USP40: variants seen among roughly 807,000 people sequenced by gnomAD.
USP40 encodes ubiquitin specific peptidase 40, also known as ubiquitin carboxyl-terminal hydrolase 40.
A neutral mutation model predicts 166.2 loss-of-function variants in USP40; 143 were observed. The observed-to-expected ratio is 0.86, with a 90% CI of 0.75 to 0.99. USP40 has a LOEUF of 0.99. Ranked by LOEUF, USP40 falls within the 50% of genes least tolerant of loss-of-function variation. USP40 has a pLI of 0.00. For missense variants in USP40, 1,444 were observed against 1,479.7 expected (o/e 0.98, Z 0.40); for synonymous variants, 498 against 524.0 (o/e 0.95, Z 0.68).
chr2:233,507,532 T>A (rs117804641), intron 21 of USP40, among the ~76,000 whole-genome samples: 1,936 of 151,446 alleles, frequency 0.013, 38 homozygotes, highest in East Asian at 0.084. Flanking sequence ...ACAACATGGA[T>A]GAACCTGGAA....
Position 233,486,077 on chromosome 2 carries a change from G to A in USP40, c.3198-100C>T. 7.6e-7 allele frequency: 1 copy of A among 1,316,318 alleles called. No individual in the cohort carries two copies. The highest frequency in any genetic ancestry group is 1.0e-6 in the Non-Finnish European group (1 of 975,664). 81.5% of individuals were successfully genotyped at this position (1,316,318 alleles called of 1,614,324 possible). On this transcript the variant is annotated intron_variant, in intron 28 of 31. Transcript: ENST00000678225. This position sits in a 1 kb window ranked among gnomAD's most constrained non-coding sequence, Gnocchi z 4.0. The stretch of plus-strand genomic sequence containing the variant: ...CAAAGCTTCTCCTCCAGCTTTTCTG[G>A]TTTTTATAAGGAGAGATTTTTCCCT...
Position 233,544,424 on chromosome 2 carries a change from C to T in USP40, c.967-2061G>A, listed in dbSNP as rs555335460. On this transcript the variant is annotated intron_variant, in intron 8 of 31. Coordinates refer to ENST00000678225, the MANE Select transcript of USP40 (RefSeq NM_001365479.2). Reference sequence around the variant, plus strand: ...GGCATGACCGATTAAATAAATCACTCGTCACTGGTGACTGAACTCAATTTC... The same window carrying T: ...GGCATGACCGATTAAATAAATCACTTGTCACTGGTGACTGAACTCAATTTC... Among the ~76,000 whole-genome samples, 379 of 152,262 alleles carry T rather than the reference C, an allele frequency of 2.5e-3. 2 individuals carry two copies. Among genetic ancestry groups the T allele is most frequent in the African/African-American group, 8.1e-3 (337 of 41,552 alleles).
At chr2:233,531,872 T>C (rs866536998) in intron 11 of USP40, among the ~76,000 whole-genome samples, 3 of 152,212 alleles carry the variant, frequency 2.0e-5, no homozygotes, top group African/African-American at 7.2e-5. Context: ...AAAATCTTAC[T>C]AGGCCTCATG....
chr2:233,517,386 G>GTT (rs201945738), intron 18 of USP40, among the ~76,000 whole-genome samples: 133 of 133,974 alleles, frequency 9.9e-4, no homozygotes, highest in African/African-American at 2.0e-3. Flanking sequence ...ATGGTTTTTT[G>GTT]TTTTTTTTTT....
At chr2:233,497,431 G>A (rs1157044271) in intron 23 of USP40, among the ~76,000 whole-genome samples, 1 of 152,148 alleles carries the variant, frequency 6.6e-6, no homozygotes, top group Non-Finnish European at 1.5e-5. Context: ...AATAATTTAG[G>A]TGAGAGGCAT....
Position 233,489,381 on chromosome 2 carries a change from C to A in USP40, c.3115G>T (p.Asp1039Tyr). Residue 1039 changes from aspartate to tyrosine, a missense_variant, in exon 27 of 32, where the codon GAC becomes TAC. Coordinates refer to ENST00000678225, the MANE Select transcript of USP40 (RefSeq NM_001365479.2). ...GGAACCTACCTGAGTGGCTGCCGGT[C>A]AGTTCGTAAAAGCCTGCCTGGGCGC... ...RKRPGRLLRT[D>Y]RQPLREYKLG... The A allele has an allele frequency of 6.3e-7, 1 of 1,594,626 alleles. No individual in the cohort carries two copies. The highest frequency in any genetic ancestry group is 1.1e-5 in the South Asian group (1 of 87,372).
intron 17 of USP40, 112 bp downstream of exon 17, chr2:233,520,879 A>G: frequency 8.4e-7 from 1 of 1,186,274 alleles, no homozygotes; most frequent in Non-Finnish European, 1.1e-6. Context: ...CTGACTTCCT[A>G]AGAGCTGAAG....
At position 233,540,762 on chromosome 2, in the gene USP40, T is replaced by C. The variant is rs769151223; in HGVS notation, c.1070A>G (p.Asn357Ser). The C allele has an allele frequency of 1.2e-6, 2 of 1,611,740 alleles. No homozygotes were observed. Among genetic ancestry groups the C allele is most frequent in the East Asian group, 2.2e-5 (1 of 44,824 alleles). ...CAGCTGATCAACAGGAATTAGATTA[T>C]TCTCCTCCTTATGAGAGAAACACAG... ...ILKAILLEEENNLIPVDQLGQ... is the reference protein window; with the variant it reads ...ILKAILLEEESNLIPVDQLGQ... Residue 357 changes from asparagine to serine, a missense_variant, in exon 10 of 32, where the codon AAT becomes AGT. Asn to Ser is a conservative substitution (Grantham distance 46). Coordinates refer to ENST00000678225, the MANE Select transcript of USP40 (RefSeq NM_001365479.2).
intron 10 of USP40, among the ~76,000 whole-genome samples, chr2:233,537,961 T>C (rs932702278): frequency 2.6e-5 from 4 of 152,142 alleles, no homozygotes; most frequent in African/African-American, 4.8e-5. Flanking sequence ...TAGTAACATA[T>C]AGTGTAATTT....
chr2:233,560,980 T>C, intron 3 of USP40: 1 of 763,486 alleles, frequency 1.3e-6, no homozygotes. Context: ...GGAAAACTGA[T>C]TCTTTCTCGG....
intron 1 of USP40, among the ~76,000 whole-genome samples, chr2:233,566,428 C>T (rs767818451): frequency 1.3e-4 from 20 of 152,238 alleles, no homozygotes; most frequent in South Asian, 8.3e-4. Flanking sequence ...AGAGTCTAGC[C>T]TCGAGCTCGT....
chr2:233,495,479 A>G (rs897163759), intron 24 of USP40, among the ~76,000 whole-genome samples: 4 of 151,994 alleles, frequency 2.6e-5, no homozygotes, highest in Admixed American at 6.6e-5. Context: ...CTGGTCTTGA[A>G]TTCCTGAGCT....
chr2:233,557,078 A>G, intron 4 of USP40, 59 bp from the exon 5 acceptor site: 1 of 1,434,338 alleles, frequency 7.0e-7, no homozygotes, highest in South Asian at 1.3e-5. Flanking sequence ...AAAACATTAA[A>G]AAAACAAACA....
chr2:233,554,336 C>A (rs1481606759), intron 6 of USP40, 44 bp downstream of exon 6: 7 of 1,559,316 alleles, frequency 4.5e-6, no homozygotes, highest in Non-Finnish European at 6.0e-6. Context: ...CTTGTACTAA[C>A]TACAAAGTGG....
rs142890827 is a variant in USP40 at position 233,532,457 on chromosome 2, G to A, written c.1471+1022C>T. Among the ~76,000 whole-genome samples the A allele has an allele frequency of 9.9e-5, 15 of 152,278 alleles. 1 individual carries two copies. In the East Asian group the frequency reaches 2.7e-3, roughly 27 times the overall value. On this transcript the variant is annotated intron_variant, in intron 11 of 31. Coordinates refer to ENST00000678225, the MANE Select transcript of USP40 (RefSeq NM_001365479.2). ...CATTTACATGAGGTGAGCATGAAGT[G>A]GCCAATGGGAAACTTCTAGGGGATA...
chr2:233,501,029 A>G (rs932431399), intron 21 of USP40, among the ~76,000 whole-genome samples: 2 of 152,228 alleles, frequency 1.3e-5, no homozygotes, highest in Admixed American at 6.5e-5. Flanking sequence ...CTTGTATGAC[A>G]AAAAATAAGG....
At chr2:233,557,749 C>T (rs2071227380) in intron 4 of USP40, among the ~76,000 whole-genome samples, 1 of 152,042 alleles carries the variant, frequency 6.6e-6, no homozygotes, top group South Asian at 2.1e-4. Flanking sequence ...GTCTTCTGGA[C>T]TTGGCACAGG....
At position 233,486,456 on chromosome 2, in the gene USP40, G is replaced by A. The variant is rs1056036918; in HGVS notation, c.3198-479C>T. On this transcript the variant is annotated intron_variant, in intron 28 of 31. Coordinates refer to ENST00000678225, the MANE Select transcript of USP40 (RefSeq NM_001365479.2). This position sits in a 1 kb window ranked among gnomAD's most constrained non-coding sequence, Gnocchi z 4.0. The stretch of plus-strand genomic sequence containing the variant: ...TTGGAATTGGGAAGAGAGACACAGG[G>A]CGGGTGAGACACAAGGCTGCAGCTG... Among the ~76,000 whole-genome samples, 1 of 152,206 alleles carries A rather than the reference G, an allele frequency of 6.6e-6. No individual in the cohort carries two copies. The highest frequency in any genetic ancestry group is 2.4e-5 in the African/African-American group (1 of 41,454).
At chr2:233,565,301 T>C in intron 2 of USP40, 55 bp downstream of exon 2, 2 of 1,302,906 alleles carry the variant, frequency 1.5e-6, no homozygotes, top group Non-Finnish European at 2.1e-6. Flanking sequence ...CATAATTAAT[T>C]ACATGTAAAG....
Sources: gnomAD v4.1 joint callset for allele counts (sites outside exome capture counted in the v4.1 genomes callset) on GRCh38, gnomAD v4.1.1 for gene constraint, Gnocchi (gnomAD v3.1) non-coding constraint, MANE v1.5 for transcripts, NCBI Gene and HGNC (gene_info 2026-07-23, HGNC 2026-07-21) for gene names.